The following TAMM41 variants were observed in gnomAD, a reference collection of about 807,000 sequenced individuals.
TAMM41 encodes phosphatidate cytidylyltransferase, mitochondrial.
TAMM41 carries 36 observed loss-of-function variants against 44.1 expected under a neutral mutation model. The observed-to-expected ratio is 0.82, with a 90% CI of 0.63 to 1.08. The LOEUF is 1.08. Among genes scored for constraint, TAMM41 ranks in the 50% least tolerant of loss-of-function variants. The pLI, the probability that TAMM41 is intolerant of heterozygous loss-of-function variation, is 0.00. For synonymous variants in TAMM41, 164 were observed against 153.1 expected (o/e 1.07, Z -0.53); for missense variants, 417 against 404.3 (o/e 1.03, Z -0.27).
intron 7 of TAMM41, among the ~76,000 whole-genome samples, chr3:11,798,127 C>A (rs1275048330): frequency 2.0e-5 from 3 of 152,098 alleles, no homozygotes; most frequent in African/African-American, 7.2e-5. Flanking sequence ...TGCCATTTGA[C>A]CCAGCAAGCC....
chr3:11,838,557 G>A (rs544931541), intron 3 of TAMM41, among the ~76,000 whole-genome samples: 1 of 152,274 alleles, frequency 6.6e-6, no homozygotes, highest in Non-Finnish European at 1.5e-5. Flanking sequence ...TTATTATGAA[G>A]GACACAACTG....
At chr3:11,735,377 C>T in the TAMM41 span, among the ~76,000 whole-genome samples, 6 of 151,430 alleles carry the variant, frequency 4.0e-5, no homozygotes, top group African/African-American at 1.2e-4. Context: ...TTTTAAAATT[C>T]TTTTAAAAAG....
At position 11,806,224 on chromosome 3, in the gene TAMM41, G is replaced by A. The variant is rs964773381; in HGVS notation, c.937+1609C>T. Among the ~76,000 whole-genome samples, 5 of 152,264 alleles carry A rather than the reference G, an allele frequency of 3.3e-5. No homozygotes were observed. In the East Asian group the frequency reaches 9.7e-4, roughly 29 times the overall value. On this transcript the variant is annotated intron_variant, in intron 7 of 7. Coordinates refer to ENST00000455809, the MANE Select transcript of TAMM41 (RefSeq NM_001284401.2). Reference sequence around the variant, plus strand: ...AGCGTTGTGTTCACTTTTGTATCCCGAGCAGCTGGCACATGAGAGATGCTC... The same window carrying A: ...AGCGTTGTGTTCACTTTTGTATCCCAAGCAGCTGGCACATGAGAGATGCTC...
intron 2 of TAMM41, among the ~76,000 whole-genome samples, chr3:11,843,175 C>T (rs2079526814): frequency 6.6e-6 from 1 of 152,200 alleles, no homozygotes; most frequent in Admixed American, 6.5e-5. Context: ...GGGGTGTCTG[C>T]CCCTCCTTCT....
chr3:11,753,657 G>C, the TAMM41 span, among the ~76,000 whole-genome samples: 21 of 152,058 alleles, frequency 1.4e-4, no homozygotes, highest in African/African-American at 5.1e-4. Flanking sequence ...GAATGGCGTG[G>C]AGACAGGAGG....
chr3:11,817,059 A>G (rs563538025), intron 5 of TAMM41, 133 bp downstream of exon 5: 10 of 895,918 alleles, frequency 1.1e-5, no homozygotes, highest in Non-Finnish European at 1.5e-5. Flanking sequence ...ACAGAAGCCT[A>G]TGTTTACATA....
the TAMM41 span, among the ~76,000 whole-genome samples, chr3:11,774,206 C>T: frequency 6.6e-6 from 1 of 152,228 alleles, no homozygotes; most frequent in Non-Finnish European, 1.5e-5. Context: ...CTCTTGTTCT[C>T]CGACTCTATG....
downstream of TAMM41, among the ~76,000 whole-genome samples, chr3:11,789,265 T>G (rs530580337): frequency 2.0e-5 from 3 of 152,306 alleles, no homozygotes; most frequent in Non-Finnish European, 4.4e-5. Context: ...ATGCTATGGG[T>G]TAGAATGAGC....
intron 7 of TAMM41, among the ~76,000 whole-genome samples, chr3:11,793,040 A>G (rs1420998438): frequency 2.2e-5 from 3 of 138,744 alleles, no homozygotes; most frequent in Admixed American, 8.0e-5. Flanking sequence ...CAGCCTGGCC[A>G]CAGAGCAAGG....
chr3:11,824,848 C>T (rs767900972), intron 4 of TAMM41, among the ~76,000 whole-genome samples: 61 of 152,086 alleles, frequency 4.0e-4, no homozygotes, highest in Non-Finnish European at 7.1e-4. Context: ...TACAGTGTAG[C>T]CGACTGTGGA....
downstream of TAMM41, among the ~76,000 whole-genome samples, chr3:11,786,063 T>G (rs1205632620): frequency 6.6e-6 from 1 of 151,846 alleles, no homozygotes; most frequent in Non-Finnish European, 1.5e-5. Context: ...TTAATGACTT[T>G]TTAATCTTTT....
At chr3:11,741,320 G>T in the TAMM41 span, among the ~76,000 whole-genome samples, 1 of 148,630 alleles carries the variant, frequency 6.7e-6, no homozygotes, top group Non-Finnish European at 1.5e-5. Context: ...CACAGCAGAA[G>T]GTGGAAGGAC....
At chr3:11,749,063 C>T in the TAMM41 span, among the ~76,000 whole-genome samples, 44 of 151,816 alleles carry the variant, frequency 2.9e-4, no homozygotes, top group African/African-American at 9.9e-4. Flanking sequence ...CAGGCATGCA[C>T]CACCACACCT....
chr3:11,824,379 T>TG (rs1441520027), intron 4 of TAMM41, among the ~76,000 whole-genome samples: 1 of 148,426 alleles, frequency 6.7e-6, no homozygotes, highest in African/African-American at 2.5e-5. Context: ...TTTTTTTTTT[T>TG]GTGACAAAGT....
Position 11,835,396 on chromosome 3 carries a change from C to A in TAMM41, c.411+3826G>T, listed in dbSNP as rs563584133. Among the ~76,000 whole-genome samples, 6 of 152,212 alleles carry A rather than the reference C, an allele frequency of 3.9e-5. No individual in the cohort carries two copies. The South Asian group carries it at 1.0e-3, about 26-fold the overall frequency. On this transcript the variant is annotated intron_variant, in intron 3 of 7. Coordinates refer to ENST00000455809, the MANE Select transcript of TAMM41 (RefSeq NM_001284401.2). ...ATCACTTTCAAATGACTTTATGATA[C>A]CCTAATTTTCTTGTGCTAGAAGCAT...
At chr3:11,737,159 C>T in the TAMM41 span, among the ~76,000 whole-genome samples, 1 of 152,000 alleles carries the variant, frequency 6.6e-6, no homozygotes. Context: ...TCCGTTTCTG[C>T]TTACCTTAAC....
intron 4 of TAMM41, among the ~76,000 whole-genome samples, chr3:11,821,429 G>T (rs2078514373): frequency 6.6e-6 from 1 of 152,116 alleles, no homozygotes; most frequent in Admixed American, 6.6e-5. Context: ...AGTTCAAATA[G>T]GTATTGCGCT....
At chr3:11,753,979 C>CGTG in the TAMM41 span, among the ~76,000 whole-genome samples, 122 of 152,236 alleles carry the variant, frequency 8.0e-4, no homozygotes, top group African/African-American at 2.8e-3. Context: ...GGGGCGGCCT[C>CGTG]GTGTTCTCCT....
intron 7 of TAMM41, chr3:11,807,218 CTG>C (rs2077936794): frequency 1.4e-6 from 2 of 1,426,664 alleles, no homozygotes; most frequent in Admixed American, 3.0e-5. Context: ...AAGGTGTACT[CTG>C]TGGCTCACCA....
Sources: allele counts gnomAD v4.1 joint callset (sites outside exome capture counted in the v4.1 genomes callset), GRCh38; gene constraint gnomAD v4.1.1; transcripts MANE v1.5; gene names NCBI Gene and HGNC (gene_info 2026-07-23, HGNC 2026-07-21).